Variants in POLR2H observed in about 807,000 individuals in gnomAD.
POLR2H encodes DNA-directed RNA polymerases I, II, and III subunit RPABC3.
In POLR2H, 3 loss-of-function variants were observed where a neutral mutation model predicts 18.1. The observed-to-expected ratio is 0.17, with a 90% confidence interval of 0.08 to 0.43. POLR2H has a LOEUF of 0.43. Among genes scored for constraint, POLR2H ranks in the 20% least tolerant of loss-of-function variants. The probability of loss-of-function intolerance (pLI) is 0.99; values close to 1 mark genes in which losing one functional copy is unlikely to be tolerated. For synonymous variants in POLR2H, 76 were observed against 69.0 expected (o/e 1.10, Z -0.50); for missense variants, 103 against 184.6 (o/e 0.56, Z 2.56).
intron 5 of POLR2H, 134 bp downstream of exon 5, chr3:184,366,934 C>G: frequency 1.6e-6 from 1 of 643,408 alleles, no homozygotes; most frequent in Non-Finnish European, 2.8e-6. Flanking sequence ...AGAAATAGTT[C>G]TGGGAGCAGT....
chr3:184,367,125 T>TG (rs1713440081), intron 5 of POLR2H, among the ~76,000 whole-genome samples: 1 of 145,042 alleles, frequency 6.9e-6, no homozygotes, highest in Non-Finnish European at 1.5e-5. Context: ...TGTGTGTGTG[T>TG]TTTGCTACTC....
intron 4 of POLR2H, 57 bp from the exon 5 acceptor site, chr3:184,366,660 G>T: frequency 2.8e-6 from 3 of 1,073,176 alleles, no homozygotes; most frequent in Admixed American, 1.7e-5. Flanking sequence ...TTTTTAAATG[G>T]GATCTTTTAT....
In POLR2H at chr3:184,365,024, C is replaced by G; in HGVS notation, c.132C>G (p.Asn44Lys). The stretch of plus-strand genomic sequence containing the variant: ...AGATGGATCTAATCTTAGATGTAAA[C>G]ATTCAAATTTACCCTGTAGACTTGG... ...SFKMDLILDV[N>K]IQIYPVDLGD... Residue 44 changes from asparagine to lysine, a missense_variant, in exon 3 of 6, where the codon AAC becomes AAG. Coordinates refer to ENST00000456318, the MANE Select transcript of POLR2H (RefSeq NM_006232.5). The G allele has an allele frequency of 1.9e-6, 3 of 1,609,046 alleles. No homozygotes were observed. The highest frequency in any genetic ancestry group is 2.6e-6 in the Non-Finnish European group (3 of 1,175,310).
Position 184,363,245 on chromosome 3 carries a change from C to A in POLR2H, c.-248C>A. On this transcript the variant is annotated 5_prime_UTR_variant, in exon 2 of 6. Transcript: ENST00000456318. ...GGGCAGAGCCACCTGGACATGAGAC[C>A]CGCCCTCAATGCCGAAGCCTCTCGG... 1.8e-6 allele frequency: 1 copy of A among 563,394 alleles called. No individual in the cohort carries two copies. Among genetic ancestry groups the A allele is most frequent in the East Asian group, 3.2e-5 (1 of 31,568 alleles). 34.9% of individuals were successfully genotyped at this position (563,394 alleles called of 1,614,324 possible). A position where few individuals can be genotyped will look rare whatever the true frequency, so the allele number is the denominator to read the frequency against.
chr3:184,365,490 A>C, intron 4 of POLR2H: 1 of 425,130 alleles, frequency 2.4e-6, no homozygotes. Flanking sequence ...GCGAAACCTC[A>C]CTGCTACAAA....
In POLR2H at chr3:184,363,484, C is replaced by T. The variant is rs1307611145; in HGVS notation, c.-9C>T. 4 of 1,613,182 alleles carry T rather than the reference C, an allele frequency of 2.5e-6. No homozygotes were observed. Among genetic ancestry groups the T allele is most frequent in the Admixed American group, 1.7e-5 (1 of 60,020 alleles). On this transcript the variant is annotated 5_prime_UTR_variant, in exon 2 of 6. Coordinates refer to ENST00000456318, the MANE Select transcript of POLR2H (RefSeq NM_006232.5). ...TCACCCCTTCTGCTGCTCTCGTGGC[C>T]CCCTCGCGATGGCGGGCATCCTGTT...
In POLR2H at chr3:184,365,106, AC is replaced by A. The variant is rs1713007135; in HGVS notation, c.158-26del. The A allele has an allele frequency of 1.9e-6, 3 of 1,587,914 alleles. No homozygotes were observed. The East Asian group carries it at 6.7e-5, about 36-fold the overall frequency. On this transcript the variant is annotated intron_variant, in intron 3 of 5. Transcript: ENST00000456318. ...CTTTTTGCTGCTTCTGCTATTCTTT[AC>A]TCTCTGATATTGCTGTTATTTTCAG... is the stretch of plus-strand genomic sequence containing the variant.
At chr3:184,367,492 C>CTTTTTTTTTTTTTTT (rs202193300) in intron 5 of POLR2H, among the ~76,000 whole-genome samples, 1 of 143,112 alleles carries the variant, frequency 7.0e-6, no homozygotes. Flanking sequence ...CTTTTCTTTT[C>CTTTTTTTTTTTTTTT]TTTTTTTTTT....
chr3:184,364,022 G>C (rs1712798364), intron 2 of POLR2H, among the ~76,000 whole-genome samples: 1 of 152,182 alleles, frequency 6.6e-6, no homozygotes, highest in African/African-American at 2.4e-5. Context: ...CTGCACGCCA[G>C]CCTGGGCGGC....
At chr3:184,365,744 C>T (rs1357187818) in intron 4 of POLR2H, among the ~76,000 whole-genome samples, 4 of 151,778 alleles carry the variant, frequency 2.6e-5, no homozygotes, top group South Asian at 2.1e-4. Flanking sequence ...GAGGCCGAGG[C>T]GGGCGGATCA....
In POLR2H at chr3:184,366,767, G is replaced by A; in HGVS notation, c.302G>A (p.Gly101Glu). The A allele has an allele frequency of 6.2e-7, 1 of 1,607,056 alleles. No homozygotes were observed. The highest frequency in any genetic ancestry group is 8.5e-7 in the Non-Finnish European group (1 of 1,173,484). Residue 101 changes from glycine (G) to glutamate (E), a missense_variant, in exon 5 of 6, where the codon GGA (glycine) becomes GAA (glutamate). By Grantham distance (98) the Gly-to-Glu change is moderately conservative (BLOSUM62 -2). Transcript: ENST00000456318. Reference protein sequence around the residue: ...VMYGKVYRIEGDETSTEAATR... With the variant: ...VMYGKVYRIEEDETSTEAATR... Reference sequence around the variant, plus strand: ...TATGGAAAAGTGTACAGGATTGAGGGAGATGAAACTTCTACTGAAGCAGCA... The same window carrying A: ...TATGGAAAAGTGTACAGGATTGAGGAAGATGAAACTTCTACTGAAGCAGCA...
chr3:184,365,169 A>T lies in POLR2H; in HGVS notation c.194A>T (p.Tyr65Phe). Residue 65 changes from tyrosine (Y) to phenylalanine (F), a missense_variant, in exon 4 of 6, where the codon TAT becomes TTT. Coordinates refer to ENST00000456318, the MANE Select transcript of POLR2H (RefSeq NM_006232.5). ...CGGTTGGTCATAGCTAGTACCTTGT[A>T]TGAAGATGGTACCCTGGATGATGGT... ...KFRLVIASTLYEDGTLDDGEY... is the reference protein window; with the variant it reads ...KFRLVIASTLFEDGTLDDGEY... 2 of 1,613,584 alleles carry T rather than the reference A, an allele frequency of 1.2e-6. No homozygotes were observed. Among genetic ancestry groups the T allele is most frequent in the Non-Finnish European group, 1.7e-6 (2 of 1,179,476 alleles).
Position 184,368,246 on chromosome 3 carries a change from C to T in POLR2H, c.405C>T (p.Phe135=), listed in dbSNP as rs776845280. The T allele has an allele frequency of 2.2e-5, 36 of 1,612,924 alleles. No homozygotes were observed. The South Asian group carries it at 3.0e-4, about 13-fold the overall frequency. Reference sequence around the variant, plus strand: ...GGGATGCCAACAACCTGCATGGATTCGAGGTGGACTCCAGAGTTTATCTCC... The same window carrying T: ...GGGATGCCAACAACCTGCATGGATTTGAGGTGGACTCCAGAGTTTATCTCC... ...LQGDANNLHG[F]EVDSRVYLLM... Residue 135 remains phenylalanine, a synonymous_variant, in exon 6 of 6, where the codon TTC becomes TTT. Coordinates refer to ENST00000456318, the MANE Select transcript of POLR2H (RefSeq NM_006232.5).
At chr3:184,367,168 TG>T (rs200727666) in intron 5 of POLR2H, among the ~76,000 whole-genome samples, 59,517 of 151,018 alleles carry the variant, frequency 0.39, 12,340 homozygotes, top group Middle Eastern at 0.56. Context: ...TGTGTGTGTG[TG>T]TGGCTACTCT....
In POLR2H at chr3:184,362,733, CG is replaced by C. The variant is rs1712402576; in HGVS notation, c.-620-135del. 2 of 7,088 alleles carry C rather than the reference CG, an allele frequency of 2.8e-4. No homozygotes were observed. The highest frequency in any genetic ancestry group is 2.6e-4 in the Non-Finnish European group (1 of 3,862). The allele number at this position is 7,088 out of a possible 1,614,324, so 0.4% of individuals were successfully genotyped here. On this transcript the variant is annotated intron_variant, in intron 1 of 5. Transcript: ENST00000456318. The surrounding 1 kb of genome is among the most constrained non-coding windows in gnomAD (Gnocchi z 5.9). ...AGCACTAAGCTGGAGGGGTAATGCC[CG>C]GGGGAGGGGGGTGGCGGGAGCCCGG...
Position 184,363,258 on chromosome 3 carries a change from C to A in POLR2H, c.-235C>A, listed in dbSNP as rs2108591522. 1.7e-6 allele frequency: 1 copy of A among 581,852 alleles called. No individual in the cohort carries two copies. 36.0% of individuals were successfully genotyped at this position (581,852 alleles called of 1,614,324 possible). ...TGGACATGAGACCCGCCCTCAATGC[C>A]GAAGCCTCTCGGAAGCAATCTTTCG... On this transcript the variant is annotated 5_prime_UTR_variant, in exon 2 of 6. Coordinates refer to ENST00000456318, the MANE Select transcript of POLR2H (RefSeq NM_006232.5).
At position 184,363,409 on chromosome 3, in the gene POLR2H, G is replaced by T; in HGVS notation, c.-84G>T. ...TCAGGAGGTGCTTTTGGTTCTCTCC[G>T]GTCTTGTCCACGCTAGGGGGTGCAC... On this transcript the variant is annotated 5_prime_UTR_variant, in exon 2 of 6. Coordinates refer to ENST00000456318, the MANE Select transcript of POLR2H (RefSeq NM_006232.5). 1.7e-6 allele frequency: 2 copies of T among 1,162,820 alleles called. No homozygotes were observed. The highest frequency in any genetic ancestry group is 2.6e-6 in the Non-Finnish European group (2 of 779,408). The allele number at this position is 1,162,820 out of a possible 1,614,324, so 72.0% of individuals were successfully genotyped here. A position where few individuals can be genotyped will look rare whatever the true frequency, so the allele number is the denominator to read the frequency against.
At chr3:184,367,764 A>C (rs1169525094) in intron 5 of POLR2H, among the ~76,000 whole-genome samples, 5 of 152,086 alleles carry the variant, frequency 3.3e-5, no homozygotes, top group Non-Finnish European at 7.4e-5. Flanking sequence ...TGCTGGGATT[A>C]CAGGTGTGAG....
intron 5 of POLR2H, among the ~76,000 whole-genome samples, chr3:184,367,714 TCTC>T (rs1476403812): frequency 6.6e-6 from 1 of 151,980 alleles, no homozygotes; most frequent in Non-Finnish European, 1.5e-5. Context: ...ATGGTCTTGA[TCTC>T]CTGACCTCGT....
Sources: allele counts gnomAD v4.1 joint callset (sites outside exome capture counted in the v4.1 genomes callset), GRCh38; gene constraint gnomAD v4.1.1; non-coding constraint Gnocchi (gnomAD v3.1); transcripts MANE v1.5; gene names NCBI Gene and HGNC (gene_info 2026-07-23, HGNC 2026-07-21).